The following B3GALT2 variants were observed in gnomAD, a reference collection of about 807,000 sequenced individuals.
B3GALT2 encodes the protein UDP-Gal:betaGlcNAc beta 1,3-galactosyltransferase, polypeptide 2.
In B3GALT2, 13 loss-of-function variants were observed where a neutral mutation model predicts 33.5. That is an observed-to-expected ratio of 0.39 (90% CI 0.25 to 0.62). The LOEUF (loss-of-function observed/expected upper bound fraction) is 0.62. Ranked by LOEUF, B3GALT2 falls within the 20% of genes least tolerant of loss-of-function variation. The pLI, the probability that B3GALT2 is intolerant of heterozygous loss-of-function variation, is 0.53. For missense variants in B3GALT2, 418 were observed against 509.1 expected, an observed-to-expected ratio of 0.82 and a Z score of 1.72; for synonymous variants, 195 against 172.7, an observed-to-expected ratio of 1.13 and a Z score of -1.01.
intron 1 of B3GALT2, among the ~76,000 whole-genome samples, chr1:193,183,975 G>A (rs1403424367): frequency 6.6e-6 from 1 of 151,782 alleles, no homozygotes; most frequent in Non-Finnish European, 1.5e-5. Flanking sequence ...CATAATTTAT[G>A]TTGCTTTTAT....
chr1:193,186,577 C>T lies in B3GALT2; in HGVS notation c.-679G>A, dbSNP rs570673144. On this transcript the variant is annotated 5_prime_UTR_variant, in exon 1 of 2. Transcript: ENST00000367434. Reference sequence around the variant, plus strand: ...AGTCTATAATATGAAATCCACGGTTCCTCAGCTGCTGCACAGGCAGGCAGC... The same window carrying T: ...AGTCTATAATATGAAATCCACGGTTTCTCAGCTGCTGCACAGGCAGGCAGC... 1 of 152,358 alleles carries T rather than the reference C, an allele frequency of 6.6e-6. No homozygotes were observed. Among genetic ancestry groups the T allele is most frequent in the Non-Finnish European group, 1.5e-5 (1 of 68,016 alleles). 9.4% of individuals were successfully genotyped at this position (152,358 alleles called of 1,614,324 possible). A position where few individuals can be genotyped will look rare whatever the true frequency, so the allele number is the denominator to read the frequency against.
At position 193,181,692 on chromosome 1, in the gene B3GALT2, T is replaced by C; in HGVS notation, c.-120-10A>G. ...CTCTCTTGTAGTCATTCTATAAAAA[T>C]GAAGCACAAAAGTTTACAGAACTGC... is the stretch of plus-strand genomic sequence containing the variant. On this transcript the variant is annotated splice_polypyrimidine_tract_variant and intron_variant, in intron 1 of 1. Transcript: ENST00000367434. 1 of 920,924 alleles carries C rather than the reference T, an allele frequency of 1.1e-6. No homozygotes were observed. Among genetic ancestry groups the C allele is most frequent in the Non-Finnish European group, 1.6e-6 (1 of 629,684 alleles). 57.0% of individuals were successfully genotyped at this position (920,924 alleles called of 1,614,324 possible). A position where few individuals can be genotyped will look rare whatever the true frequency, so the allele number is the denominator to read the frequency against.
At chr1:193,184,694 A>G (rs1676775865) in intron 1 of B3GALT2, among the ~76,000 whole-genome samples, 1 of 151,960 alleles carries the variant, frequency 6.6e-6, no homozygotes, top group Non-Finnish European at 1.5e-5. Context: ...TGACTTCAAT[A>G]TTGAGAGATT....
chr1:193,180,827 G>T lies in B3GALT2; in HGVS notation c.736C>A (p.Pro246Thr). ...NWVATYCPHIPYVMKTDSDMF... is the reference protein window; with the variant it reads ...NWVATYCPHITYVMKTDSDMF... ...TCACTGTCAGTTTTCATAACATATG[G>T]AATATGTGGACAGTATGTTGCAACC... is the stretch of plus-strand genomic sequence containing the variant. The change falls in exon 2 of 2, where the codon CCA becomes ACA. Residue 246 changes from proline to threonine, a missense_variant. Pro to Thr is a conservative substitution (Grantham distance 38). Around this residue, in one of 3 missense-constraint regions of B3GALT2, gnomAD observed 226 missense variants for 293.9 expected, o/e 0.77. Coordinates refer to ENST00000367434, the MANE Select transcript of B3GALT2 (RefSeq NM_003783.3). The T allele has an allele frequency of 1.2e-6, 2 of 1,614,022 alleles. No homozygotes were observed. The highest frequency in any genetic ancestry group is 1.7e-6 in the Non-Finnish European group (2 of 1,179,948).
At position 193,181,531 on chromosome 1, in the gene B3GALT2, A is replaced by G. The variant is rs749699352; in HGVS notation, c.32T>C (p.Phe11Ser). ...TTTGGCATTCCAGGTCATCTTTGCA[A>G]AGCAGCAGTGTCTTCTCCTCCACTG... is the stretch of plus-strand genomic sequence containing the variant. MLQWRRRHCCFAKMTWNAKRS... is the reference protein window; with the variant it reads MLQWRRRHCCSAKMTWNAKRS... Residue 11 changes from phenylalanine to serine, a missense_variant, in exon 2 of 2, where the codon TTT (phenylalanine) becomes TCT (serine). Coordinates refer to ENST00000367434, the MANE Select transcript of B3GALT2 (RefSeq NM_003783.3). 6.2e-7 allele frequency: 1 copy of G among 1,605,914 alleles called. No individual in the cohort carries two copies. The highest frequency in any genetic ancestry group is 1.1e-5 in the South Asian group (1 of 89,390).
rs1363173687 is a variant in B3GALT2 at position 193,181,644 on chromosome 1, A to AT, written c.-83dup. The AT allele has an allele frequency of 1.3e-5, 17 of 1,269,616 alleles. No homozygotes were observed. In the East Asian group the frequency reaches 3.5e-4, roughly 26 times the overall value. 78.6% of individuals were successfully genotyped at this position (1,269,616 alleles called of 1,614,324 possible). Reference sequence around the variant, plus strand: ...TCCTTAATACTATTCTTTGGCAATCATTTTCTAATTCAGTCACATTGTCTC... The same window carrying AT: ...TCCTTAATACTATTCTTTGGCAATCATTTTTCTAATTCAGTCACATTGTCTC... On this transcript the variant is annotated 5_prime_UTR_variant, in exon 2 of 2. It adds an upstream start codon to the 5' untranslated region. Transcript: ENST00000367434.
intron 1 of B3GALT2, among the ~76,000 whole-genome samples, chr1:193,182,342 T>C (rs1366000064): frequency 6.6e-6 from 1 of 152,164 alleles, no homozygotes; most frequent in African/African-American, 2.4e-5. Context: ...TTTTAACTTT[T>C]CTTTGTAAAT....
At chr1:193,185,101 G>A (rs1676783610) in intron 1 of B3GALT2, among the ~76,000 whole-genome samples, 2 of 151,984 alleles carry the variant, frequency 1.3e-5, no homozygotes, top group Admixed American at 1.3e-4. Flanking sequence ...TAGCCTGGAA[G>A]CATAGTAGCT....
At position 193,180,717 on chromosome 1, in the gene B3GALT2, TAGGTAACC is replaced by T; in HGVS notation, c.838_845del (p.Gly280AsnfsTer12). The T allele has an allele frequency of 6.2e-7, 1 of 1,614,094 alleles. No individual in the cohort carries two copies. Among genetic ancestry groups the T allele is most frequent in the Non-Finnish European group, 8.5e-7 (1 of 1,179,964 alleles). On this transcript the variant is annotated frameshift_variant, in exon 2 of 2. Transcript: ENST00000367434. LOFTEE classifies it high-confidence loss of function. ...TTCGATTGGGTGCATATCCTCGCAT[TAGGTAACC>T]AGTGAAATAGTTATGTCTGGGAGGC...
In B3GALT2 at chr1:193,186,562, A is replaced by G. The variant is rs1676812211; in HGVS notation, c.-664T>C. 1 of 152,416 alleles carries G rather than the reference A, an allele frequency of 6.6e-6. No individual in the cohort carries two copies. Among genetic ancestry groups the G allele is most frequent in the African/African-American group, 2.4e-5 (1 of 41,440 alleles). 9.4% of individuals were successfully genotyped at this position (152,416 alleles called of 1,614,324 possible). On this transcript the variant is annotated 5_prime_UTR_variant, in exon 1 of 2. Coordinates refer to ENST00000367434, the MANE Select transcript of B3GALT2 (RefSeq NM_003783.3). ...TTTTAATGGGGTTTTAGTCTATAAT[A>G]TGAAATCCACGGTTCCTCAGCTGCT...
intron 1 of B3GALT2, among the ~76,000 whole-genome samples, chr1:193,184,791 GT>G (rs1354642414): frequency 1.3e-5 from 2 of 151,978 alleles, no homozygotes; most frequent in Non-Finnish European, 2.9e-5. Context: ...AAATTCATGG[GT>G]GAGAGTGATG....
At position 193,179,567 on chromosome 1, in the gene B3GALT2, T is replaced by TG. The variant is rs368553430; in HGVS notation, c.*726dup. ...TTAACATCAATGAGGAAACAAAACT[T>TG]GTCTATTTTGAAACATTTAATAACT... On this transcript the variant is annotated 3_prime_UTR_variant, in exon 2 of 2. Transcript: ENST00000367434. 1 of 152,622 alleles carries TG rather than the reference T, an allele frequency of 6.6e-6. No individual in the cohort carries two copies. The highest frequency in any genetic ancestry group is 1.9e-4 in the East Asian group (1 of 5,200). The allele number at this position is 152,622 out of a possible 1,614,324, so 9.5% of individuals were successfully genotyped here. A position where few individuals can be genotyped will look rare whatever the true frequency, so the allele number is the denominator to read the frequency against.
At chr1:193,185,359 T>C (rs2103162929) in intron 1 of B3GALT2, among the ~76,000 whole-genome samples, 1 of 152,186 alleles carries the variant, frequency 6.6e-6, no homozygotes, top group African/African-American at 2.4e-5. Context: ...CGAGGCTCTA[T>C]TGTGGGGTTA....
rs1676700202 is a variant in B3GALT2, at chr1:193,180,723, A to C, written c.840T>G (p.Gly280=). Reference sequence around the variant, plus strand: ...TGGGTGCATATCCTCGCATTAGGTAACCAGTGAAATAGTTATGTCTGGGAG... The same window carrying C: ...TGGGTGCATATCCTCGCATTAGGTACCCAGTGAAATAGTTATGTCTGGGAG... ...DLPPRHNYFT[G]YLMRGYAPNR... The change falls in exon 2 of 2, where the codon GGT becomes GGG. Residue 280 remains glycine (G), a synonymous_variant. Coordinates refer to ENST00000367434, the MANE Select transcript of B3GALT2 (RefSeq NM_003783.3). 9.3e-6 allele frequency: 15 copies of C among 1,614,056 alleles called. No individual in the cohort carries two copies. Among genetic ancestry groups the C allele is most frequent in the Non-Finnish European group, 7.6e-6 (9 of 1,179,942 alleles).
In B3GALT2 at chr1:193,185,344, T is replaced by C. The variant is rs12026449; in HGVS notation, c.-121+675A>G. On this transcript the variant is annotated intron_variant, in intron 1 of 1. Coordinates refer to ENST00000367434, the MANE Select transcript of B3GALT2 (RefSeq NM_003783.3). ...AAAGTTCTATTCATGGTCACTATAA[T>C]AACACGAGGCTCTATTGTGGGGTTA... Among the ~76,000 whole-genome samples the C allele has an allele frequency of 5.3e-4, 81 of 152,246 alleles. No individual in the cohort carries two copies. In the East Asian group the frequency reaches 0.011, roughly 21 times the overall value.
rs751867922 is a variant in B3GALT2 at position 193,180,318 on chromosome 1, C to T, written c.1245G>A (p.Arg415=). ...TCTAATGTAGTTTACGGTGGCGATA[C>T]CTGCCTGCCTTTTCTTTTGCTGCGT... ...CANAAKEKAG[R]YRHRKLH The change falls in exon 2 of 2, where the codon AGG becomes AGA. Residue 415 remains arginine, a synonymous_variant. Transcript: ENST00000367434. 6.3e-6 allele frequency: 10 copies of T among 1,582,154 alleles called. No homozygotes were observed. The highest frequency in any genetic ancestry group is 7.7e-6 in the Non-Finnish European group (9 of 1,164,860).
intron 1 of B3GALT2, among the ~76,000 whole-genome samples, chr1:193,184,165 A>T (rs1429186816): frequency 1.3e-5 from 2 of 151,844 alleles, no homozygotes; most frequent in African/African-American, 4.8e-5. Flanking sequence ...TTAGATGTTA[A>T]GCTGTTGAGA....
chr1:193,185,251 C>G (rs2103162832), intron 1 of B3GALT2, among the ~76,000 whole-genome samples: 1 of 152,132 alleles, frequency 6.6e-6, no homozygotes, highest in South Asian at 2.1e-4. Context: ...TGGAATCAGT[C>G]TTTTACATAA....
Position 193,181,670 on chromosome 1 carries a change from T to G in B3GALT2, c.-108A>C. On this transcript the variant is annotated 5_prime_UTR_variant, in exon 2 of 2. Coordinates refer to ENST00000367434, the MANE Select transcript of B3GALT2 (RefSeq NM_003783.3). ...TTTTCTAATTCAGTCACATTGTCTC[T>G]CTTGTAGTCATTCTATAAAAATGAA... The G allele has an allele frequency of 1.9e-6, 2 of 1,053,160 alleles. No individual in the cohort carries two copies. Among genetic ancestry groups the G allele is most frequent in the Non-Finnish European group, 2.7e-6 (2 of 737,452 alleles). The allele number at this position is 1,053,160 out of a possible 1,614,324, so 65.2% of individuals were successfully genotyped here.
Sources: gnomAD v4.1 joint callset for allele counts (sites outside exome capture counted in the v4.1 genomes callset) on GRCh38, gnomAD v4.1.1 for gene constraint, gnomAD v4.1.1 regional missense constraint, MANE v1.5 for transcripts, NCBI Gene and HGNC (gene_info 2026-07-23, HGNC 2026-07-21) for gene names.